Variants in ANK3 observed in about 807,000 individuals in gnomAD.
ANK3 encodes ankyrin-3.
Under a neutral mutation model 370.9 loss-of-function variants are expected in ANK3, and 57 were observed. That is an observed-to-expected ratio of 0.15 (90% CI 0.12 to 0.19). The LOEUF (loss-of-function observed/expected upper bound fraction) is 0.19, where lower values mean the gene tolerates loss of function less well. Ranked by LOEUF, ANK3 falls within the 10% of genes least tolerant of loss-of-function variation. The pLI is 1.00. For synonymous variants in ANK3, 1,929 were observed against 1,946.3 expected (o/e 0.99, Z 0.23); for missense variants, 4,439 against 5,302.1 (o/e 0.84, Z 5.06).
chr10:60,412,059 T>C (rs944984025), intron 2 of ANK3, among the ~76,000 whole-genome samples: 1 of 151,444 alleles, frequency 6.6e-6, no homozygotes, highest in Non-Finnish European at 1.5e-5. Context: ...TCGTAGAGGG[T>C]ATGTAAGGAG....
chr10:60,714,990 A>G (rs541871067), intron 1 of ANK3, among the ~76,000 whole-genome samples: 2 of 152,328 alleles, frequency 1.3e-5, no homozygotes, highest in Admixed American at 1.3e-4. Context: ...AATTTTGGTT[A>G]ATAATCATAT....
At chr10:60,118,255 T>G (rs1166746662) in intron 25 of ANK3, among the ~76,000 whole-genome samples, 1 of 152,216 alleles carries the variant, frequency 6.6e-6, no homozygotes, top group African/African-American at 2.4e-5. Context: ...ATTTAAAAAC[T>G]TACTCTGAAT....
In ANK3 at chr10:60,172,406, G is replaced by T; in HGVS notation, c.2383-3C>A. The T allele has an allele frequency of 6.2e-7, 1 of 1,613,308 alleles. No homozygotes were observed. Among genetic ancestry groups the T allele is most frequent in the South Asian group, 1.1e-5 (1 of 91,026 alleles). On this transcript the variant is annotated splice_polypyrimidine_tract_variant and splice_region_variant and intron_variant, in intron 20 of 43. Transcript: ENST00000280772. ...ATGCCAAGGGCAGTATTCCCATTCT[G>T]GCAAAAGGAAAATGTGAGTGAGGAA...
rs369572079 is a variant in ANK3, at chr10:60,119,663, T to G, written c.2842-5332A>C. On this transcript the variant is annotated intron_variant, in intron 25 of 43. Coordinates refer to ENST00000280772, the MANE Select transcript of ANK3 (RefSeq NM_020987.5). The stretch of plus-strand genomic sequence containing the variant: ...GGCATGCACCTGTAATCCCATCTAA[T>G]CGGGAGGCTGAGACAGGAGAATCGC... Among the ~76,000 whole-genome samples, 8 of 152,198 alleles carry G rather than the reference T, an allele frequency of 5.3e-5. No homozygotes were observed. In the East Asian group the frequency reaches 1.5e-3, roughly 29 times the overall value.
At chr10:60,610,836 A>C (rs2078191082) in intron 2 of ANK3, among the ~76,000 whole-genome samples, 1 of 152,212 alleles carries the variant, frequency 6.6e-6, no homozygotes, top group African/African-American at 2.4e-5. Context: ...TAGAAAACAG[A>C]GGGGCAATTG....
intron 1 of ANK3, among the ~76,000 whole-genome samples, chr10:60,373,913 G>C (rs762046468): frequency 2.0e-5 from 3 of 152,148 alleles, no homozygotes; most frequent in Non-Finnish European, 4.4e-5. Flanking sequence ...TCAGTTGAGA[G>C]TCACTGGCCT....
At chr10:60,232,448 G>A (rs774221705) in intron 8 of ANK3, among the ~76,000 whole-genome samples, 10 of 151,960 alleles carry the variant, frequency 6.6e-5, no homozygotes, top group Non-Finnish European at 1.2e-4. Flanking sequence ...AATAGCCTGC[G>A]CTTTTTAAAT....
At position 60,075,276 on chromosome 10, in the gene ANK3, A is replaced by C. The variant is rs1287740672; in HGVS notation, c.5605T>G (p.Phe1869Val). Reference sequence around the variant, plus strand: ...TTAACTGGAGATGAAGTTCGACTGAAGTGAGGCTGAGGATGTGTCTCCGTA... The same window carrying C: ...TTAACTGGAGATGAAGTTCGACTGACGTGAGGCTGAGGATGTGTCTCCGTA... ...LTTETHPQPHFSRTSSPVKSS... is the reference protein window; with the variant it reads ...LTTETHPQPHVSRTSSPVKSS... The change falls in exon 37 of 44, where the codon TTC becomes GTC. Residue 1869 changes from phenylalanine to valine, a missense_variant. This residue lies in a region of ANK3 where 679 missense variants were observed against 791.0 expected (regional missense o/e 0.86). Transcript: ENST00000280772. 6.2e-7 allele frequency: 1 copy of C among 1,614,058 alleles called. No homozygotes were observed. Among genetic ancestry groups the C allele is most frequent in the East Asian group, 2.2e-5 (1 of 44,900 alleles).
At chr10:60,256,482 T>A (rs2097737387) in intron 7 of ANK3, among the ~76,000 whole-genome samples, 1 of 152,166 alleles carries the variant, frequency 6.6e-6, no homozygotes, top group Non-Finnish European at 1.5e-5. Context: ...ATAATTCTTT[T>A]AAAAAAATAA....
chr10:60,487,584 C>T (rs1343270340), intron 2 of ANK3, among the ~76,000 whole-genome samples: 3 of 124,882 alleles, frequency 2.4e-5, no homozygotes, highest in Non-Finnish European at 5.4e-5. Flanking sequence ...TGGTAAAATG[C>T]ATATCTCTGG....
At chr10:60,656,996 A>G (rs1449722365) in intron 1 of ANK3, among the ~76,000 whole-genome samples, 1 of 152,162 alleles carries the variant, frequency 6.6e-6, no homozygotes, top group Admixed American at 6.6e-5. Context: ...TGATAAAGAC[A>G]TACCCAAGAC....
chr10:60,183,748 C>T (rs2096258115), intron 17 of ANK3, among the ~76,000 whole-genome samples: 1 of 151,798 alleles, frequency 6.6e-6, no homozygotes, highest in South Asian at 2.1e-4. Flanking sequence ...ATCCCAGCTA[C>T]TCGGGAGGCT....
chr10:60,525,553 G>C (rs1031128291), intron 2 of ANK3, among the ~76,000 whole-genome samples: 1 of 152,082 alleles, frequency 6.6e-6, no homozygotes, highest in African/African-American at 2.4e-5. Flanking sequence ...GCGCTAAACT[G>C]CAGTGGTTAC....
intron 2 of ANK3, among the ~76,000 whole-genome samples, chr10:60,451,898 C>G (rs1324163152): frequency 6.6e-6 from 1 of 152,180 alleles, no homozygotes; most frequent in Non-Finnish European, 1.5e-5. Flanking sequence ...AGGGTTTCCA[C>G]TGTCTTCAAG....
intron 24 of ANK3, 172 bp downstream of exon 24, chr10:60,138,792 C>A: frequency 1.2e-6 from 1 of 812,742 alleles, no homozygotes; most frequent in Non-Finnish European, 1.9e-6. Flanking sequence ...CAACCGCAAA[C>A]CACAAAAGAA....
chr10:60,081,334 C>T (rs2085183316), intron 35 of ANK3, among the ~76,000 whole-genome samples: 1 of 152,126 alleles, frequency 6.6e-6, no homozygotes, highest in Admixed American at 6.5e-5. Context: ...ATTCCCCCAC[C>T]CCATCCCCGC....
chr10:60,201,703 C>A (rs1285869565), intron 12 of ANK3, among the ~76,000 whole-genome samples: 2 of 130,446 alleles, frequency 1.5e-5, no homozygotes, highest in African/African-American at 5.8e-5. Context: ...TAGTTGAAAT[C>A]ACTTCTTTTT....
At chr10:60,290,164 G>A (rs542568449) in intron 1 of ANK3, among the ~76,000 whole-genome samples, 17 of 152,154 alleles carry the variant, frequency 1.1e-4, no homozygotes, top group South Asian at 4.2e-4. Context: ...CGAAAACAAC[G>A]GTGACATTCA....
rs749128765 is a variant in ANK3 at position 60,108,970 on chromosome 10, T to G, written c.3033A>C (p.Pro1011=). ...TTCGAGTGGGGGCCGTACACTTGCG[T>G]GGAGGAATGATGATTCTCATCCCGT... ...RHHGMRIIIP[P]RKCTAPTRIT... is the part of the protein sequence containing the mutation. The change falls in exon 27 of 44, where the codon CCA becomes CCC. Residue 1011 remains proline, a synonymous_variant. Coordinates refer to ENST00000280772, the MANE Select transcript of ANK3 (RefSeq NM_020987.5). 16 of 1,614,054 alleles carry G rather than the reference T, an allele frequency of 9.9e-6. No individual in the cohort carries two copies. Among genetic ancestry groups the G allele is most frequent in the Non-Finnish European group, 1.4e-5 (16 of 1,179,970 alleles).
Sources: gnomAD v4.1 joint callset for allele counts (sites outside exome capture counted in the v4.1 genomes callset) on GRCh38, gnomAD v4.1.1 for gene constraint, gnomAD v4.1.1 regional missense constraint, MANE v1.5 for transcripts, NCBI Gene and HGNC (gene_info 2026-07-23, HGNC 2026-07-21) for gene names.